Variants in BCL11B observed in about 807,000 individuals in gnomAD.
BCL11B encodes the protein B-cell lymphoma/leukemia 11B.
In BCL11B, 8 loss-of-function variants were observed where a neutral mutation model predicts 49.9. That is an observed-to-expected ratio of 0.16 (90% CI 0.09 to 0.29). The LOEUF (loss-of-function observed/expected upper bound fraction) is 0.29. Among genes scored for constraint, BCL11B ranks in the 10% least tolerant of loss-of-function variants. BCL11B has a pLI of 1.00. For missense variants in BCL11B, 1,006 were observed against 1,351.0 expected, an observed-to-expected ratio of 0.74 and a Z score of 4.00; for synonymous variants, 739 against 637.4, an observed-to-expected ratio of 1.16 and a Z score of -2.40.
At chr14:99,245,995 G>A (rs987250394) in intron 2 of BCL11B, among the ~76,000 whole-genome samples, 1 of 152,154 alleles carries the variant, frequency 6.6e-6, no homozygotes, top group African/African-American at 2.4e-5. Context: ...GCTGCAGAGT[G>A]CTCCGAGGAA....
At chr14:99,203,586 C>T (rs1887448027) in intron 3 of BCL11B, among the ~76,000 whole-genome samples, 1 of 152,182 alleles carries the variant, frequency 6.6e-6, no homozygotes, top group South Asian at 2.1e-4. Flanking sequence ...GTGCTAGGCA[C>T]CATGGGGGTC....
At chr14:99,240,809 C>T (rs1416418992) in intron 2 of BCL11B, among the ~76,000 whole-genome samples, 2 of 152,196 alleles carry the variant, frequency 1.3e-5, no homozygotes, top group African/African-American at 2.4e-5. Flanking sequence ...AGCACATTAA[C>T]GCTAGGAATA....
chr14:99,243,183 C>T (rs1824392814), intron 2 of BCL11B, among the ~76,000 whole-genome samples: 1 of 152,034 alleles, frequency 6.6e-6, no homozygotes, highest in Non-Finnish European at 1.5e-5. Context: ...TGTGACAGTC[C>T]CAACAATAAC....
At chr14:99,208,312 A>C (rs1595247088) in intron 3 of BCL11B, among the ~76,000 whole-genome samples, 1 of 152,294 alleles carries the variant, frequency 6.6e-6, no homozygotes, top group South Asian at 2.1e-4. Flanking sequence ...CCACAGCCAC[A>C]GGGCCTCGGA....
chr14:99,175,202 A>G lies in BCL11B; in HGVS notation c.1634T>C (p.Leu545Pro), dbSNP rs1471923518. 1 of 1,563,210 alleles carries G rather than the reference A, an allele frequency of 6.4e-7. No individual in the cohort carries two copies. Among genetic ancestry groups the G allele is most frequent in the Admixed American group, 1.9e-5 (1 of 53,454 alleles). Residue 545 changes from leucine to proline, a missense_variant, in exon 4 of 4, where the codon CTA (leucine) becomes CCA (proline). This residue lies in a region of BCL11B where 443 missense variants were observed against 499.7 expected (regional missense o/e 0.89). Coordinates refer to ENST00000357195, the MANE Select transcript of BCL11B (RefSeq NM_138576.4). ...CTCGGGCCGGCTCTCGTTCTCCAGTAGCAGCTCCTCCTCCTCCTCCTCCTC... is the reference window on the plus strand; with the variant it reads ...CTCGGGCCGGCTCTCGTTCTCCAGTGGCAGCTCCTCCTCCTCCTCCTCCTC... ...EEEEEEEEEL[L>P]LENESRPESS... is the part of the protein sequence containing the mutation.
intron 3 of BCL11B, among the ~76,000 whole-genome samples, chr14:99,222,433 C>T (rs763962309): frequency 7.2e-5 from 11 of 152,186 alleles, no homozygotes; most frequent in Admixed American, 3.3e-4. Context: ...GACTCATCCC[C>T]GCCCCAGCCA....
intron 3 of BCL11B, among the ~76,000 whole-genome samples, chr14:99,217,389 C>CACACACACATACAG (rs1482650436): frequency 2.2e-3 from 279 of 126,532 alleles, no homozygotes; most frequent in Non-Finnish European, 3.5e-3. Flanking sequence ...CATACAGACA[C>CACACACACATACAG]ACACACACAC....
rs983736638 is a variant in BCL11B at position 99,201,223 on chromosome 14, T to C, written c.641-25028A>G. Reference sequence around the variant, plus strand: ...ACCCTGGAAGCAAAACCAAGGCTCATTGTAAAGAATGCCTGAAAAGCAAAT... The same window carrying C: ...ACCCTGGAAGCAAAACCAAGGCTCACTGTAAAGAATGCCTGAAAAGCAAAT... On this transcript the variant is annotated intron_variant, in intron 3 of 3. Transcript: ENST00000357195. 3.3e-5 allele frequency among the ~76,000 whole-genome samples: 5 copies of C among 152,164 alleles called. No homozygotes were observed. In the East Asian group the frequency reaches 7.7e-4, roughly 24 times the overall value.
intron 3 of BCL11B, among the ~76,000 whole-genome samples, chr14:99,212,017 A>C (rs1887702729): frequency 6.6e-6 from 1 of 151,802 alleles, no homozygotes. Flanking sequence ...CAGAAACCAC[A>C]CTTTGGATCA....
chr14:99,248,300 G>A lies in BCL11B; in HGVS notation c.427+9171C>T, dbSNP rs1322212201. 6.6e-6 allele frequency among the ~76,000 whole-genome samples: 1 copy of A among 152,102 alleles called. No homozygotes were observed. Among genetic ancestry groups the A allele is most frequent in the Admixed American group, 6.5e-5 (1 of 15,270 alleles). On this transcript the variant is annotated intron_variant, in intron 2 of 3. Coordinates refer to ENST00000357195, the MANE Select transcript of BCL11B (RefSeq NM_138576.4). The surrounding 1 kb of genome is among the most constrained non-coding windows in gnomAD (Gnocchi z 4.7). The stretch of plus-strand genomic sequence containing the variant: ...AAAACAAAATAAAATGAAGCCTCGG[G>A]TGCCTTGCCTTCTCCAGCAAGGCCT...
chr14:99,202,121 A>T (rs942890344), intron 3 of BCL11B, among the ~76,000 whole-genome samples: 1 of 152,146 alleles, frequency 6.6e-6, no homozygotes, highest in African/African-American at 2.4e-5. Flanking sequence ...AGCTGGGATT[A>T]TAGGCATACA....
At chr14:99,255,278 G>T (rs1434909233) in intron 2 of BCL11B, among the ~76,000 whole-genome samples, 1 of 151,908 alleles carries the variant, frequency 6.6e-6, no homozygotes, top group African/African-American at 2.4e-5. Context: ...ACTTCTAAGG[G>T]ATTATTTTAC....
In BCL11B at chr14:99,174,051, G is replaced by A. The variant is rs1291330086; in HGVS notation, c.*100C>T. 1.0e-5 allele frequency: 13 copies of A among 1,253,032 alleles called. No individual in the cohort carries two copies. Among genetic ancestry groups the A allele is most frequent in the South Asian group, 1.4e-5 (1 of 73,184 alleles). The allele number at this position is 1,253,032 out of a possible 1,614,324, so 77.6% of individuals were successfully genotyped here. A position where few individuals can be genotyped will look rare whatever the true frequency, so the allele number is the denominator to read the frequency against. On this transcript the variant is annotated 3_prime_UTR_variant, in exon 4 of 4. Coordinates refer to ENST00000357195, the MANE Select transcript of BCL11B (RefSeq NM_138576.4). The stretch of plus-strand genomic sequence containing the variant: ...CCTCCCCTGGGCCCCGGGGACACGC[G>A]GGGTGCGGGGTGGCGGTGACACGGA...
rs1051302227 is a variant in BCL11B, at chr14:99,205,749, C to G, written c.640+25596G>C. On this transcript the variant is annotated intron_variant, in intron 3 of 3. Coordinates refer to ENST00000357195, the MANE Select transcript of BCL11B (RefSeq NM_138576.4). The surrounding 1 kb of genome is among the most constrained non-coding windows in gnomAD (Gnocchi z 5.0). The stretch of plus-strand genomic sequence containing the variant: ...AAGTTCTGTTCCCACATTTTACCTC[C>G]AAAATTAAAAGAAAATAACAGCACA... 1.3e-5 allele frequency among the ~76,000 whole-genome samples: 2 copies of G among 152,102 alleles called. No individual in the cohort carries two copies. The highest frequency in any genetic ancestry group is 2.4e-5 in the African/African-American group (1 of 41,426).
intron 3 of BCL11B, among the ~76,000 whole-genome samples, chr14:99,202,056 C>T (rs1284162671): frequency 6.6e-6 from 1 of 152,220 alleles, no homozygotes; most frequent in Non-Finnish European, 1.5e-5. Flanking sequence ...TTACCACTCA[C>T]TGCAGCCTCA....
chr14:99,185,058 G>A (rs952937739), intron 3 of BCL11B, among the ~76,000 whole-genome samples: 1 of 152,184 alleles, frequency 6.6e-6, no homozygotes, highest in Non-Finnish European at 1.5e-5. Context: ...GTGGGAGTGG[G>A]TTAAACTGTA....
At chr14:99,265,643 C>A (rs1385161398) in intron 1 of BCL11B, among the ~76,000 whole-genome samples, 1 of 152,186 alleles carries the variant, frequency 6.6e-6, no homozygotes, top group Admixed American at 6.5e-5. Flanking sequence ...GGTCACCGTG[C>A]CTCTTCATCT....
chr14:99,193,185 C>G (rs546106732), intron 3 of BCL11B, among the ~76,000 whole-genome samples: 28 of 152,352 alleles, frequency 1.8e-4, no homozygotes, highest in African/African-American at 6.3e-4. Context: ...CGGCCTCTTA[C>G]AACTGGCTCA....
chr14:99,229,029 T>C, intron 3 of BCL11B, among the ~76,000 whole-genome samples: 1 of 123,990 alleles, frequency 8.1e-6, no homozygotes, highest in African/African-American at 3.1e-5. Context: ...GATGGATGGA[T>C]GGATGGATGG....
Sources: gnomAD v4.1 joint callset for allele counts (sites outside exome capture counted in the v4.1 genomes callset) on GRCh38, gnomAD v4.1.1 for gene constraint, gnomAD v4.1.1 regional missense constraint, Gnocchi (gnomAD v3.1) non-coding constraint, MANE v1.5 for transcripts, NCBI Gene and HGNC (gene_info 2026-07-23, HGNC 2026-07-21) for gene names.